The following ZNF516 variants were observed in gnomAD, a reference collection of about 807,000 sequenced individuals.
The protein encoded by ZNF516 is zinc finger protein 516.
Under a neutral mutation model 79.7 loss-of-function variants are expected in ZNF516, and 19 were observed. That is an observed-to-expected ratio of 0.24 (90% CI 0.17 to 0.35). ZNF516 has a LOEUF of 0.35. Ranked by LOEUF, ZNF516 falls within the 10% of genes least tolerant of loss-of-function variation. The probability of loss-of-function intolerance (pLI) is 1.00; values close to 1 mark genes in which losing one functional copy is unlikely to be tolerated. For missense variants in ZNF516, 1,678 were observed against 1,679.5 expected, an observed-to-expected ratio of 1.00 and a Z score of 0.02; for synonymous variants, 877 against 739.5, an observed-to-expected ratio of 1.19 and a Z score of -3.02.
chr18:76,463,826 AAC>A (rs1190695084), intron 1 of ZNF516, among the ~76,000 whole-genome samples: 1 of 152,220 alleles, frequency 6.6e-6, no homozygotes, highest in Non-Finnish European at 1.5e-5. Flanking sequence ...CAAGCTTTAA[AAC>A]AGACACTAGC....
intron 1 of ZNF516, among the ~76,000 whole-genome samples, chr18:76,464,794 G>A (rs1013900816): frequency 2.4e-4 from 36 of 152,382 alleles, no homozygotes; most frequent in African/African-American, 8.4e-4. Context: ...CTCACTTATG[G>A]AAAGGTTAAA....
At chr18:76,380,779 C>A (rs761567676) in intron 3 of ZNF516, among the ~76,000 whole-genome samples, 1 of 151,192 alleles carries the variant, frequency 6.6e-6, no homozygotes, top group Non-Finnish European at 1.5e-5. Flanking sequence ...CAGGCTTGGG[C>A]AACAGCTTAC....
chr18:76,448,676 G>A (rs888139654), intron 2 of ZNF516, among the ~76,000 whole-genome samples: 4 of 152,186 alleles, frequency 2.6e-5, no homozygotes, highest in African/African-American at 9.7e-5. Flanking sequence ...CCTTAGAGGT[G>A]TTCCAGTCCT....
chr18:76,463,205 C>G (rs1457198212), intron 1 of ZNF516, 64 bp from the exon 2 acceptor site: 3 of 152,238 alleles, frequency 2.0e-5, no homozygotes, highest in Non-Finnish European at 4.4e-5. Context: ...GCCACTGCTT[C>G]TCTTTAAGAA....
rs1438515335 is a variant in ZNF516, at chr18:76,380,064, C to T, written c.2050G>A (p.Val684Met). 6 of 1,613,976 alleles carry T rather than the reference C, an allele frequency of 3.7e-6. No individual in the cohort carries two copies. The highest frequency in any genetic ancestry group is 5.1e-6 in the Non-Finnish European group (6 of 1,179,880). The change falls in exon 4 of 7, where the codon GTG (valine) becomes ATG (methionine). Residue 684 changes from valine to methionine, a missense_variant. Physicochemically the swap from Val to Met is conservative, Grantham distance 21. This residue lies in a region of ZNF516 where 1,294 missense variants were observed against 1,248.3 expected (regional missense o/e 1.04). Coordinates refer to ENST00000443185, the MANE Select transcript of ZNF516 (RefSeq NM_014643.4). ...TCCACACCATCACCAGGGACGGGCA[C>T]CTCCTGCTTGGGGTGAAATGCTGGC... ...KMPAFHPKQE[V>M]PVPGDGVEFP...
chr18:76,429,705 C>G (rs9944613), intron 3 of ZNF516, among the ~76,000 whole-genome samples: 5,052 of 152,268 alleles, frequency 0.033, 136 homozygotes, highest in African/African-American at 0.069. Flanking sequence ...CAAATCAAGA[C>G]ATCTTTAAAC....
At chr18:76,484,649 C>T (rs1914725430) in intron 1 of ZNF516, among the ~76,000 whole-genome samples, 1 of 152,198 alleles carries the variant, frequency 6.6e-6, no homozygotes, top group Non-Finnish European at 1.5e-5. Context: ...CTAAAACACA[C>T]ACTCTCGACG....
At chr18:76,474,952 C>T (rs773134166) in intron 1 of ZNF516, among the ~76,000 whole-genome samples, 1 of 152,000 alleles carries the variant, frequency 6.6e-6, no homozygotes, top group African/African-American at 2.4e-5. Flanking sequence ...GTAAACAGAC[C>T]AATATTTAAG....
chr18:76,363,133 C>A (rs1306641664), intron 6 of ZNF516, among the ~76,000 whole-genome samples: 1 of 152,152 alleles, frequency 6.6e-6, no homozygotes, highest in East Asian at 1.9e-4. Context: ...CGAGAGAAAA[C>A]CAAGCATAAA....
intron 4 of ZNF516, among the ~76,000 whole-genome samples, chr18:76,373,092 T>C (rs605914): frequency 2.0e-5 from 3 of 152,044 alleles, no homozygotes; most frequent in Admixed American, 2.0e-4. Context: ...CAAGGCTGCA[T>C]TGAGTTGAGA....
intron 1 of ZNF516, among the ~76,000 whole-genome samples, chr18:76,478,416 T>C (rs983497319): frequency 1.3e-5 from 2 of 152,060 alleles, no homozygotes; most frequent in Non-Finnish European, 2.9e-5. Context: ...TTGGCAAAAC[T>C]AAAATGCAGC....
chr18:76,423,359 C>T (rs2075534233), intron 3 of ZNF516, among the ~76,000 whole-genome samples: 1 of 152,224 alleles, frequency 6.6e-6, no homozygotes, highest in Admixed American at 6.5e-5. Flanking sequence ...TTGCCTCAAA[C>T]ACCATTTAAG....
chr18:76,490,868 C>T, intron 1 of ZNF516: 1 of 985,522 alleles, frequency 1.0e-6, no homozygotes. Context: ...GCCAGCCCAA[C>T]GCCCACGGGC....
chr18:76,415,552 CTCT>C (rs1372975017), intron 3 of ZNF516, among the ~76,000 whole-genome samples: 1 of 152,082 alleles, frequency 6.6e-6, no homozygotes, highest in Non-Finnish European at 1.5e-5. Flanking sequence ...CAGAACCTGC[CTCT>C]CCGTTGGATT....
chr18:76,472,084 T>G (rs1913877368), intron 1 of ZNF516, among the ~76,000 whole-genome samples: 1 of 152,184 alleles, frequency 6.6e-6, no homozygotes, highest in South Asian at 2.1e-4. Context: ...AGCTCCATCC[T>G]CTTCCTGTTC....
At chr18:76,448,254 C>CT (rs541007110) in intron 2 of ZNF516, among the ~76,000 whole-genome samples, 2 of 152,056 alleles carry the variant, frequency 1.3e-5, no homozygotes, top group Non-Finnish European at 2.9e-5. Flanking sequence ...CCTTGTCTTT[C>CT]TTTTTTTGCC....
chr18:76,423,973 G>A (rs112732964), intron 3 of ZNF516, among the ~76,000 whole-genome samples: 14 of 124,194 alleles, frequency 1.1e-4, no homozygotes, highest in African/African-American at 4.4e-4. Context: ...AGGTGAAAAG[G>A]CTCCCCCGAA....
At chr18:76,411,713 C>T (rs1038436904) in intron 3 of ZNF516, among the ~76,000 whole-genome samples, 5 of 152,146 alleles carry the variant, frequency 3.3e-5, no homozygotes, top group African/African-American at 4.8e-5. Flanking sequence ...GCTCAGAAGG[C>T]TCCAAAGACC....
intron 2 of ZNF516, 62 bp from the exon 3 acceptor site, chr18:76,443,273 C>A: frequency 1.6e-6 from 1 of 635,542 alleles, no homozygotes; most frequent in Non-Finnish European, 2.5e-6. Flanking sequence ...GGCATGGCTG[C>A]GGGAACCCCC....
Sources: gnomAD v4.1 joint callset for allele counts (sites outside exome capture counted in the v4.1 genomes callset) on GRCh38, gnomAD v4.1.1 for gene constraint, gnomAD v4.1.1 regional missense constraint, MANE v1.5 for transcripts, NCBI Gene and HGNC (gene_info 2026-07-23, HGNC 2026-07-21) for gene names.